FOXP4: variants seen among roughly 807,000 people sequenced by gnomAD.
FOXP4 encodes the protein forkhead box protein P4.
A neutral mutation model predicts 82.6 loss-of-function variants in FOXP4; 25 were observed. The ratio of observed to expected loss-of-function variants is 0.30; its 90% CI spans 0.22 to 0.42. The LOEUF is 0.42. FOXP4 is among the 10% of genes least tolerant of loss of function. The probability of loss-of-function intolerance (pLI) is 1.00; values close to 1 mark genes in which losing one functional copy is unlikely to be tolerated. For missense variants in FOXP4, 785 were observed against 900.9 expected (o/e 0.87, Z 1.65); for synonymous variants, 415 against 388.2 (o/e 1.07, Z -0.81).
intron 2 of FOXP4, among the ~76,000 whole-genome samples, chr6:41,575,931 A>G (rs1024368593): frequency 1.3e-5 from 2 of 150,974 alleles, no homozygotes; most frequent in Non-Finnish European, 2.9e-5. Context: ...CTCTACCTCC[A>G]CCTTTGGAGG....
intron 15 of FOXP4, among the ~76,000 whole-genome samples, chr6:41,597,544 C>G (rs1287800376): frequency 6.6e-6 from 1 of 152,058 alleles, no homozygotes; most frequent in Non-Finnish European, 1.5e-5. Flanking sequence ...AAGCCAGGCC[C>G]AGGTTCCAGG....
chr6:41,548,040 C>T (rs1292066916), intron 1 of FOXP4, among the ~76,000 whole-genome samples: 1 of 152,220 alleles, frequency 6.6e-6, no homozygotes, highest in Non-Finnish European at 1.5e-5. Flanking sequence ...GGGGCGATCT[C>T]GTGAACACAC....
At chr6:41,568,656 T>C (rs1765016866) in intron 2 of FOXP4, among the ~76,000 whole-genome samples, 1 of 148,288 alleles carries the variant, frequency 6.7e-6, no homozygotes, top group African/African-American at 2.4e-5. Context: ...GGAGAGGGTC[T>C]GTGGACCACA....
chr6:41,559,987 C>T (rs1764476159), intron 1 of FOXP4, among the ~76,000 whole-genome samples: 2 of 152,312 alleles, frequency 1.3e-5, no homozygotes, highest in East Asian at 3.9e-4. Flanking sequence ...TCATCTTCTA[C>T]TCCGTGCTAT....
At chr6:41,579,639 CTATG>C in intron 3 of FOXP4, among the ~76,000 whole-genome samples, 1 of 152,264 alleles carries the variant, frequency 6.6e-6, no homozygotes, top group Middle Eastern at 3.4e-3. Context: ...TGAAGGGAGA[CTATG>C]GAATCTTCCT....
chr6:41,586,032 G>A (rs1766096750), intron 5 of FOXP4, among the ~76,000 whole-genome samples: 1 of 151,678 alleles, frequency 6.6e-6, no homozygotes, highest in Non-Finnish European at 1.5e-5. Flanking sequence ...TACCCCATCG[G>A]AGCTTCTATA....
At chr6:41,589,634 G>A (rs574084930) in intron 9 of FOXP4, 137 bp from the exon 10 acceptor site, 3 of 819,926 alleles carry the variant, frequency 3.7e-6, no homozygotes, top group Admixed American at 2.2e-5. Context: ...CACAGAGGGA[G>A]CATGGATGCT....
Position 41,591,985 on chromosome 6 carries a change from A to G in FOXP4, c.1536+663A>G, listed in dbSNP as rs957575701. On this transcript the variant is annotated intron_variant, in intron 13 of 16. Transcript: ENST00000307972. This position sits in a 1 kb window ranked among gnomAD's most constrained non-coding sequence, Gnocchi z 4.2. ...TAGGCCATTTATTTTTCTATAGCCAAAAGGGGGGTGTGTGTGTGTGTCTGT... is the reference window on the plus strand; with the variant it reads ...TAGGCCATTTATTTTTCTATAGCCAGAAGGGGGGTGTGTGTGTGTGTCTGT... 1.3e-5 allele frequency among the ~76,000 whole-genome samples: 2 copies of G among 151,680 alleles called. No individual in the cohort carries two copies. Among genetic ancestry groups the G allele is most frequent in the African/African-American group, 4.8e-5 (2 of 41,300 alleles).
intron 9 of FOXP4, 145 bp from the exon 10 acceptor site, chr6:41,589,626 C>G (rs1766368202): frequency 1.3e-6 from 1 of 781,870 alleles, no homozygotes; most frequent in Non-Finnish European, 2.1e-6. Flanking sequence ...GAGCGGGTCA[C>G]AGAGGGAGCA....
At chr6:41,584,271 C>G (rs933403133) in intron 3 of FOXP4, among the ~76,000 whole-genome samples, 2 of 152,234 alleles carry the variant, frequency 1.3e-5, no homozygotes, top group African/African-American at 2.4e-5. Context: ...TGAATCCTTC[C>G]CATGCTGTAG....
intron 2 of FOXP4, among the ~76,000 whole-genome samples, chr6:41,575,705 AC>A (rs1765443609): frequency 2.0e-5 from 1 of 48,966 alleles, no homozygotes; most frequent in Non-Finnish European, 4.4e-5. Context: ...GCCACCCCCC[AC>A]CCCACCCCAG....
chr6:41,571,754 C>A (rs904860208), intron 2 of FOXP4, among the ~76,000 whole-genome samples: 2 of 152,136 alleles, frequency 1.3e-5, no homozygotes, highest in African/African-American at 4.8e-5. Flanking sequence ...CTTGTCCCCC[C>A]TCTCTGTGTA....
At chr6:41,555,491 G>T (rs900290000) in intron 1 of FOXP4, among the ~76,000 whole-genome samples, 2 of 152,206 alleles carry the variant, frequency 1.3e-5, no homozygotes, top group Non-Finnish European at 2.9e-5. Flanking sequence ...CAGGGGCCCA[G>T]AAATGGCCAT....
Position 41,594,995 on chromosome 6 carries a change from T to G in FOXP4, c.1658+4T>G, listed in dbSNP as rs552165128. ...GGAGACCGCCAAAGATGACAGGGTATGTGGGTCCAGAGCTGGATGGGCTGT... is the reference window on the plus strand; with the variant it reads ...GGAGACCGCCAAAGATGACAGGGTAGGTGGGTCCAGAGCTGGATGGGCTGT... On this transcript the variant is annotated splice_donor_region_variant and intron_variant, in intron 14 of 16. Coordinates refer to ENST00000307972, the MANE Select transcript of FOXP4 (RefSeq NM_001012426.2). 2.0e-5 allele frequency: 32 copies of G among 1,613,946 alleles called. 1 individual carries two copies. The South Asian group carries it at 3.3e-4, about 17-fold the overall frequency.
In FOXP4 at chr6:41,565,932, C is replaced by A; in HGVS notation, c.172C>A (p.Pro58Thr). ...TGADSNGEMS[P>T]AELLHFQQQQ... is the part of the protein sequence containing the mutation. Reference sequence around the variant, plus strand: ...TGCAGACAGCAATGGTGAGATGAGTCCCGCAGAGCTGCTGCACTTCCAGCA... The same window carrying A: ...TGCAGACAGCAATGGTGAGATGAGTACCGCAGAGCTGCTGCACTTCCAGCA... Residue 58 changes from proline (P) to threonine (T), a missense_variant, in exon 2 of 17, where the codon CCC (proline) becomes ACC (threonine). Coordinates refer to ENST00000307972, the MANE Select transcript of FOXP4 (RefSeq NM_001012426.2). 6.2e-7 allele frequency: 1 copy of A among 1,613,772 alleles called. No individual in the cohort carries two copies. The highest frequency in any genetic ancestry group is 1.1e-5 in the South Asian group (1 of 91,038).
At chr6:41,553,712 C>T (rs187144476) in intron 1 of FOXP4, among the ~76,000 whole-genome samples, 1 of 152,318 alleles carries the variant, frequency 6.6e-6, no homozygotes, top group African/African-American at 2.4e-5. Context: ...GAGCTGGGAA[C>T]AGACTGCACC....
intron 16 of FOXP4, 64 bp from the exon 17 acceptor site, chr6:41,598,725 G>T (rs765639586): frequency 6.5e-7 from 1 of 1,546,978 alleles, no homozygotes; most frequent in South Asian, 1.2e-5. Context: ...GTGAGTTTGG[G>T]GGGCAGGGGG....
At chr6:41,556,773 A>G (rs1764303792) in intron 1 of FOXP4, among the ~76,000 whole-genome samples, 1 of 152,216 alleles carries the variant, frequency 6.6e-6, no homozygotes, top group African/African-American at 2.4e-5. Flanking sequence ...AGTGTCTAAC[A>G]TAACATTTGT....
chr6:41,584,962 C>T (rs1168414800), intron 4 of FOXP4, 71 bp downstream of exon 4: 23 of 1,503,224 alleles, frequency 1.5e-5, no homozygotes, highest in Non-Finnish European at 2.0e-5. Flanking sequence ...CTGTTTACAC[C>T]TCACCAAGGG....
Sources: allele counts gnomAD v4.1 joint callset (sites outside exome capture counted in the v4.1 genomes callset), GRCh38; gene constraint gnomAD v4.1.1; non-coding constraint Gnocchi (gnomAD v3.1); transcripts MANE v1.5; gene names NCBI Gene and HGNC (gene_info 2026-07-23, HGNC 2026-07-21).